Variants in NAALADL2 observed in about 807,000 individuals in gnomAD.
NAALADL2 encodes N-acetylated alpha-linked acidic dipeptidase like 2.
Under a neutral mutation model 87.2 loss-of-function variants are expected in NAALADL2, and 76 were observed. The ratio of observed to expected loss-of-function variants is 0.87; its 90% CI spans 0.72 to 1.05. The LOEUF (loss-of-function observed/expected upper bound fraction) is 1.05. NAALADL2 is among the 50% of genes least tolerant of loss of function. The pLI is 0.00. For synonymous variants in NAALADL2, 354 were observed against 331.0 expected (o/e 1.07, Z -0.75); for missense variants, 1,089 against 945.8 (o/e 1.15, Z -1.99).
intron 3 of NAALADL2, among the ~76,000 whole-genome samples, chr3:174,840,388 C>T (rs575347917): frequency 3.3e-5 from 5 of 151,960 alleles, no homozygotes; most frequent in East Asian, 1.9e-4. Context: ...CACTAGGAGT[C>T]GGAAGATAGG....
At chr3:175,486,050 C>A (rs1281681653) in intron 9 of NAALADL2, among the ~76,000 whole-genome samples, 1 of 152,058 alleles carries the variant, frequency 6.6e-6, no homozygotes, top group Non-Finnish European at 1.5e-5. Flanking sequence ...ACATTGGTTG[C>A]TCAATCTGCC....
intron 2 of NAALADL2, among the ~76,000 whole-genome samples, chr3:175,225,554 A>G (rs1316910726): frequency 6.6e-6 from 1 of 152,100 alleles, no homozygotes; most frequent in Non-Finnish European, 1.5e-5. Context: ...AGTGTTTAAT[A>G]TGCTTATTTT....
Position 175,402,574 on chromosome 3 carries a change from G to A in NAALADL2, c.1091-44655G>A, listed in dbSNP as rs149189551. Among the ~76,000 whole-genome samples the A allele has an allele frequency of 5.5e-3, 836 of 152,072 alleles. 9 individuals are homozygous for A. The highest frequency in any genetic ancestry group is 0.019 in the African/African-American group (799 of 41,490). ...AATATAATCTATAATTATATAAACA[G>A]GTGTATATAATTTTTCCAGCTATAC... On this transcript the variant is annotated intron_variant, in intron 5 of 13. Transcript: ENST00000454872.
chr3:175,205,138 C>T (rs1386131043), intron 2 of NAALADL2, among the ~76,000 whole-genome samples: 1 of 152,060 alleles, frequency 6.6e-6, no homozygotes. Flanking sequence ...AAAGTGTCCA[C>T]ATAGCCAAAG....
intron 2 of NAALADL2, among the ~76,000 whole-genome samples, chr3:174,625,642 A>C (rs1213144041): frequency 6.6e-6 from 1 of 152,046 alleles, no homozygotes; most frequent in African/African-American, 2.4e-5. Context: ...TGTTCACTGA[A>C]ATACATTTAT....
chr3:175,156,016 T>C (rs1406274262), intron 2 of NAALADL2, among the ~76,000 whole-genome samples: 1 of 152,208 alleles, frequency 6.6e-6, no homozygotes, highest in Non-Finnish European at 1.5e-5. Context: ...CAGTAGAATA[T>C]ATTCTTACAG....
At chr3:175,182,488 A>G (rs1321745195) in intron 2 of NAALADL2, among the ~76,000 whole-genome samples, 1 of 150,540 alleles carries the variant, frequency 6.6e-6, no homozygotes, top group African/African-American at 2.5e-5. Flanking sequence ...CCTGGGCTCA[A>G]GCAGCCCTTC....
intron 1 of NAALADL2, among the ~76,000 whole-genome samples, chr3:174,943,046 C>T (rs1010142708): frequency 1.3e-5 from 2 of 152,184 alleles, no homozygotes. Flanking sequence ...TTTCAGGCAG[C>T]TAGCCTGCTT....
chr3:174,654,373 AATG>A (rs1724693054), intron 2 of NAALADL2, among the ~76,000 whole-genome samples: 1 of 152,214 alleles, frequency 6.6e-6, no homozygotes, highest in South Asian at 2.1e-4. Flanking sequence ...ATATCATAAT[AATG>A]AAATCAATGA....
upstream of NAALADL2, among the ~76,000 whole-genome samples, chr3:174,854,455 A>T (rs901711940): frequency 6.6e-6 from 1 of 152,252 alleles, no homozygotes; most frequent in Admixed American, 6.5e-5. Context: ...AAGGAATAAG[A>T]TCTAGTGTTT....
intron 3 of NAALADL2, among the ~76,000 whole-genome samples, chr3:174,838,031 A>G (rs917992029): frequency 7.3e-6 from 1 of 136,666 alleles, no homozygotes; most frequent in Admixed American, 7.0e-5. Context: ...GAAAAAAAAA[A>G]AAAAAGAAAA....
chr3:174,700,554 T>G (rs1302223033), intron 2 of NAALADL2, among the ~76,000 whole-genome samples: 1 of 152,156 alleles, frequency 6.6e-6, no homozygotes, highest in Non-Finnish European at 1.5e-5. Context: ...CTGTAGTACT[T>G]GACTTTTCAT....
intron 1 of NAALADL2, among the ~76,000 whole-genome samples, chr3:174,876,221 C>T (rs984749844): frequency 1.3e-5 from 2 of 151,990 alleles, no homozygotes; most frequent in Admixed American, 6.6e-5. Flanking sequence ...GAAAGGATAG[C>T]GAATAGGATC....
chr3:175,103,995 A>C (rs1216987571), intron 2 of NAALADL2, among the ~76,000 whole-genome samples: 1 of 152,174 alleles, frequency 6.6e-6, no homozygotes, highest in Non-Finnish European at 1.5e-5. Flanking sequence ...ATAAGAAAAT[A>C]AGCACCTGGG....
intron 1 of NAALADL2, among the ~76,000 whole-genome samples, chr3:174,951,345 T>C (rs926015678): frequency 6.6e-6 from 1 of 152,052 alleles, no homozygotes; most frequent in Non-Finnish European, 1.5e-5. Context: ...GCCTTCTAAA[T>C]GATATGGTAA....
chr3:174,681,541 C>T (rs1286132498), intron 2 of NAALADL2, among the ~76,000 whole-genome samples: 1 of 152,074 alleles, frequency 6.6e-6, no homozygotes, highest in Non-Finnish European at 1.5e-5. Flanking sequence ...AACCTGATAC[C>T]CCCATTCCAG....
chr3:174,930,741 C>T (rs1204891944), intron 1 of NAALADL2, among the ~76,000 whole-genome samples: 1 of 150,348 alleles, frequency 6.7e-6, no homozygotes, highest in Non-Finnish European at 1.5e-5. Context: ...CCTGCCTCAG[C>T]CTCCCAAATA....
At chr3:175,791,792 A>G (rs1339692885) in intron 13 of NAALADL2, among the ~76,000 whole-genome samples, 1 of 150,602 alleles carries the variant, frequency 6.6e-6, no homozygotes. Flanking sequence ...CAATAAATTT[A>G]TTTTTTTCTT....
At chr3:175,552,227 C>T (rs1322129081) in intron 9 of NAALADL2, among the ~76,000 whole-genome samples, 1 of 151,896 alleles carries the variant, frequency 6.6e-6, no homozygotes, top group Non-Finnish European at 1.5e-5. Context: ...ATATGCAGTC[C>T]ATTGGGAATA....
Sources: allele counts gnomAD v4.1 joint callset (sites outside exome capture counted in the v4.1 genomes callset), GRCh38; gene constraint gnomAD v4.1.1; transcripts MANE v1.5; gene names NCBI Gene and HGNC (gene_info 2026-07-23, HGNC 2026-07-21).